OXSR1: variants seen among roughly 807,000 people sequenced by gnomAD.
The protein encoded by OXSR1 is oxidative stress responsive kinase 1.
In OXSR1, 24 loss-of-function variants were observed where a neutral mutation model predicts 79.8. That is an observed-to-expected ratio of 0.30 (90% CI 0.22 to 0.42). The LOEUF (loss-of-function observed/expected upper bound fraction) is 0.42. Among genes scored for constraint, OXSR1 ranks in the 10% least tolerant of loss-of-function variants. The pLI, the probability that OXSR1 is intolerant of heterozygous loss-of-function variation, is 1.00. For missense variants in OXSR1, 430 were observed against 618.4 expected (o/e 0.70, Z 3.23); for synonymous variants, 226 against 209.2 (o/e 1.08, Z -0.69).
At chr3:38,227,126 C>T (rs1197467126) in intron 8 of OXSR1, among the ~76,000 whole-genome samples, 1 of 152,096 alleles carries the variant, frequency 6.6e-6, no homozygotes, top group Non-Finnish European at 1.5e-5. Context: ...TTGTTTAGAA[C>T]ATTGCTAAGT....
intron 10 of OXSR1, among the ~76,000 whole-genome samples, chr3:38,235,226 C>A (rs1382638471): frequency 6.6e-6 from 1 of 152,044 alleles, no homozygotes; most frequent in Non-Finnish European, 1.5e-5. Context: ...TTGAGTGGTT[C>A]AGTTGTATGG....
intron 6 of OXSR1, 31 bp from the exon 7 acceptor site, chr3:38,223,781 G>A (rs778152730): frequency 6.6e-7 from 1 of 1,511,254 alleles, no homozygotes; most frequent in South Asian, 1.1e-5. Context: ...TTTTATGCTG[G>A]TAAAAATAAT....
intron 11 of OXSR1, among the ~76,000 whole-genome samples, chr3:38,240,349 G>A (rs1174376497): frequency 2.6e-5 from 4 of 152,106 alleles, no homozygotes; most frequent in South Asian, 2.1e-4. Flanking sequence ...GAAGATATAC[G>A]CAGGTACGGA....
intron 8 of OXSR1, among the ~76,000 whole-genome samples, chr3:38,227,177 A>T (rs1163515904): frequency 6.6e-6 from 1 of 152,208 alleles, no homozygotes; most frequent in African/African-American, 2.4e-5. Flanking sequence ...CAGAACAACC[A>T]ATAAAACAAA....
intron 14 of OXSR1, 90 bp from the exon 15 acceptor site, chr3:38,249,876 T>C (rs1314408069): frequency 4.5e-5 from 36 of 801,430 alleles, no homozygotes; most frequent in Non-Finnish European, 6.8e-5. Flanking sequence ...ACAGACTTTC[T>C]TGAGGCACAG....
Position 38,247,710 on chromosome 3 carries a change from A to G in OXSR1, c.1300A>G (p.Ile434Val), listed in dbSNP as rs754988370. 47 of 1,611,490 alleles carry G rather than the reference A, an allele frequency of 2.9e-5. No individual in the cohort carries two copies. Among genetic ancestry groups the G allele is most frequent in the Non-Finnish European group, 3.7e-5 (43 of 1,177,950 alleles). The change falls in exon 14 of 18, where the codon ATC becomes GTC. Residue 434 changes from isoleucine to valine, a missense_variant. Ile to Val is a conservative substitution (Grantham distance 29, BLOSUM62 3). Coordinates refer to ENST00000311806, the MANE Select transcript of OXSR1 (RefSeq NM_005109.3). ...GSGSQETKIPISLVLRLRNSK... is the reference protein window; with the variant it reads ...GSGSQETKIPVSLVLRLRNSK... ...AGGTTCACAAGAAACCAAGATCCCAATCAGTCTAGTACTAAGATTAAGGTA... is the reference window on the plus strand; with the variant it reads ...AGGTTCACAAGAAACCAAGATCCCAGTCAGTCTAGTACTAAGATTAAGGTA...
At chr3:38,164,432 C>A (rs1306227094), upstream of OXSR1, among the ~76,000 whole-genome samples, 3 of 152,238 alleles carry the variant, frequency 2.0e-5, no homozygotes, top group Non-Finnish European at 4.4e-5. Context: ...AGGCGTGAGC[C>A]ACCGCACCCG....
chr3:38,201,117 G>T (rs934109791), intron 4 of OXSR1, among the ~76,000 whole-genome samples: 2 of 151,956 alleles, frequency 1.3e-5, no homozygotes, highest in Non-Finnish European at 2.9e-5. Context: ...TGTCGCCCAG[G>T]CTGGTCTTGA....
intron 10 of OXSR1, among the ~76,000 whole-genome samples, chr3:38,231,003 G>A (rs34997383): frequency 6.6e-6 from 1 of 152,306 alleles, no homozygotes; most frequent in East Asian, 1.9e-4. Context: ...CTTATCCAAT[G>A]TGAAGGAAAG....
At chr3:38,182,534 A>C (rs1420904317) in intron 1 of OXSR1, among the ~76,000 whole-genome samples, 1 of 152,140 alleles carries the variant, frequency 6.6e-6, no homozygotes, top group Non-Finnish European at 1.5e-5. Context: ...TTTGGTGTTC[A>C]TTCCAGTTTA....
chr3:38,165,774 C>T lies in OXSR1; in HGVS notation c.-103C>T. 9.9e-7 allele frequency: 1 copy of T among 1,008,756 alleles called. No homozygotes were observed. The highest frequency in any genetic ancestry group is 1.5e-6 in the Non-Finnish European group (1 of 671,830). The allele number at this position is 1,008,756 out of a possible 1,614,324, so 62.5% of individuals were successfully genotyped here. A position where few individuals can be genotyped will look rare whatever the true frequency, so the allele number is the denominator to read the frequency against. On this transcript the variant is annotated 5_prime_UTR_variant, in exon 1 of 18. Transcript: ENST00000311806. ...GCTGTTCCGAGACGATTGGTGGGGG[C>T]GCGGCGGCGGCGGCGGCGGCTGTTG...
intron 5 of OXSR1, among the ~76,000 whole-genome samples, chr3:38,220,815 A>G (rs530371487): frequency 3.6e-4 from 55 of 152,300 alleles, no homozygotes; most frequent in African/African-American, 1.3e-3. Flanking sequence ...ATGCCCAGGG[A>G]TCAAGGTGAG....
At chr3:38,186,985 T>C (rs1346159136) in intron 2 of OXSR1, among the ~76,000 whole-genome samples, 1 of 152,176 alleles carries the variant, frequency 6.6e-6, no homozygotes, top group Non-Finnish European at 1.5e-5. Flanking sequence ...ATTGTTCATC[T>C]TTTTTTGTCA....
At chr3:38,180,818 G>A (rs1701770798) in intron 1 of OXSR1, among the ~76,000 whole-genome samples, 1 of 152,000 alleles carries the variant, frequency 6.6e-6, no homozygotes, top group South Asian at 2.1e-4. Flanking sequence ...ATAGGCATGA[G>A]CCACTGTGCC....
chr3:38,238,854 T>C lies in OXSR1; in HGVS notation c.1074+1893T>C, dbSNP rs1398065074. On this transcript the variant is annotated intron_variant, in intron 11 of 17. Coordinates refer to ENST00000311806, the MANE Select transcript of OXSR1 (RefSeq NM_005109.3). The stretch of plus-strand genomic sequence containing the variant: ...TTGGATCTGTGGGTTTATAGGTTTT[T>C]ATCAAGTTTGGAAATTTTTCAGCCA... Among the ~76,000 whole-genome samples, 5 of 152,256 alleles carry C rather than the reference T, an allele frequency of 3.3e-5. No homozygotes were observed. The East Asian group carries it at 5.8e-4, about 18-fold the overall frequency.
chr3:38,171,927 C>A (rs1273848742), intron 1 of OXSR1, among the ~76,000 whole-genome samples: 2 of 152,130 alleles, frequency 1.3e-5, no homozygotes, highest in African/African-American at 2.4e-5. Flanking sequence ...TTGCCTCTTA[C>A]TAGTTATGTG....
Position 38,254,451 on chromosome 3 carries a change from T to C in OXSR1, c.*1560T>C, listed in dbSNP as rs1377637938. The C allele has an allele frequency of 3.6e-5, 14 of 387,816 alleles. No homozygotes were observed. Among genetic ancestry groups the C allele is most frequent in the Admixed American group, 1.8e-4 (4 of 22,344 alleles). The allele number at this position is 387,816 out of a possible 1,614,324, so 24.0% of individuals were successfully genotyped here. Reference sequence around the variant, plus strand: ...GAGGAAGAGAGGAGATGGATTTCAGTTGGGAGTTAGGAGGAGAGTAGGTGA... The same window carrying C: ...GAGGAAGAGAGGAGATGGATTTCAGCTGGGAGTTAGGAGGAGAGTAGGTGA... On this transcript the variant is annotated 3_prime_UTR_variant, in exon 18 of 18. Coordinates refer to ENST00000311806, the MANE Select transcript of OXSR1 (RefSeq NM_005109.3).
chr3:38,189,663 C>G (rs1419712725), intron 2 of OXSR1, among the ~76,000 whole-genome samples: 3 of 152,184 alleles, frequency 2.0e-5, no homozygotes, highest in African/African-American at 7.2e-5. Context: ...TTATAAAGTG[C>G]TGTAGTATTT....
rs779791826 is a variant in OXSR1 at position 38,254,619 on chromosome 3, G to A, written c.*1728G>A. 67 of 185,986 alleles carry A rather than the reference G, an allele frequency of 3.6e-4. No individual in the cohort carries two copies. Among genetic ancestry groups the A allele is most frequent in the Middle Eastern group, 1.9e-3 (1 of 514 alleles). 11.5% of individuals were successfully genotyped at this position (185,986 alleles called of 1,614,324 possible). Reference sequence around the variant, plus strand: ...TTTTCTTTTTTTGTGGAGGGGGGACGGAGAGGAACAAGGATGGGGAGGTAG... The same window carrying A: ...TTTTCTTTTTTTGTGGAGGGGGGACAGAGAGGAACAAGGATGGGGAGGTAG... On this transcript the variant is annotated 3_prime_UTR_variant, in exon 18 of 18. Transcript: ENST00000311806.
Sources: allele counts gnomAD v4.1 joint callset (sites outside exome capture counted in the v4.1 genomes callset), GRCh38; gene constraint gnomAD v4.1.1; transcripts MANE v1.5; gene names NCBI Gene and HGNC (gene_info 2026-07-23, HGNC 2026-07-21).